KIAA1217: variants seen among roughly 807,000 people sequenced by gnomAD.
The protein encoded by KIAA1217 is sickle tail protein homolog.
Under a neutral mutation model 163.9 loss-of-function variants are expected in KIAA1217, and 88 were observed. That is an observed-to-expected ratio of 0.54 (90% CI 0.45 to 0.64). KIAA1217 has a LOEUF of 0.64. Among genes scored for constraint, KIAA1217 ranks in the 30% least tolerant of loss-of-function variants. The probability of loss-of-function intolerance (pLI) is 0.00; values close to 1 mark genes in which losing one functional copy is unlikely to be tolerated. For synonymous variants in KIAA1217, 903 were observed against 923.1 expected (o/e 0.98, Z 0.39); for missense variants, 2,372 against 2,475.0 (o/e 0.96, Z 0.88).
chr10:23,848,715 C>G (rs1052602608), intron 1 of KIAA1217, among the ~76,000 whole-genome samples: 1 of 152,050 alleles, frequency 6.6e-6, no homozygotes, highest in Non-Finnish European at 1.5e-5. Flanking sequence ...TCCAACTTTT[C>G]TTGCTTTTAC....
chr10:24,445,779 C>T (rs1592003754), intron 5 of KIAA1217, among the ~76,000 whole-genome samples: 1 of 151,960 alleles, frequency 6.6e-6, no homozygotes, highest in Middle Eastern at 3.4e-3. Context: ...CCAGTCTATC[C>T]TTGTTGGACA....
At chr10:23,949,434 G>A (rs1297296700) in intron 1 of KIAA1217, among the ~76,000 whole-genome samples, 2 of 152,178 alleles carry the variant, frequency 1.3e-5, no homozygotes, top group Non-Finnish European at 2.9e-5. Flanking sequence ...ACACACGACT[G>A]TGTGACATAC....
At chr10:24,268,180 G>C in intron 2 of KIAA1217, among the ~76,000 whole-genome samples, 1 of 152,150 alleles carries the variant, frequency 6.6e-6, no homozygotes. Flanking sequence ...AGAAAGGTCA[G>C]GTCGCCTATA....
chr10:23,763,509 G>A (rs961552351), intron 1 of KIAA1217, among the ~76,000 whole-genome samples: 5 of 151,992 alleles, frequency 3.3e-5, no homozygotes, highest in Admixed American at 3.3e-4. Context: ...ACAAGCATGG[G>A]GGAAGGTAAA....
At chr10:24,343,787 C>G (rs551979586) in intron 2 of KIAA1217, among the ~76,000 whole-genome samples, 1 of 152,316 alleles carries the variant, frequency 6.6e-6, no homozygotes, top group South Asian at 2.1e-4. Context: ...AGAGATCTAG[C>G]TTTCTTTCTT....
intron 1 of KIAA1217, among the ~76,000 whole-genome samples, chr10:23,781,176 A>G (rs1463509502): frequency 6.6e-6 from 1 of 152,178 alleles, no homozygotes; most frequent in Non-Finnish European, 1.5e-5. Context: ...CTTTTTGAGG[A>G]ACCTCTAAAC....
intron 1 of KIAA1217, among the ~76,000 whole-genome samples, chr10:23,896,155 A>C (rs973268231): frequency 2.0e-5 from 3 of 151,836 alleles, no homozygotes; most frequent in African/African-American, 7.3e-5. Context: ...TAATAGAATA[A>C]AATTTTTTAA....
chr10:24,248,122 T>TC (rs1423584981), intron 2 of KIAA1217, among the ~76,000 whole-genome samples: 1 of 152,126 alleles, frequency 6.6e-6, no homozygotes, highest in African/African-American at 2.4e-5. Context: ...TTTTCTTTTT[T>TC]CCCTTTTCCA....
chr10:24,402,096 C>T (rs1043509968), intron 3 of KIAA1217, among the ~76,000 whole-genome samples: 2 of 152,100 alleles, frequency 1.3e-5, no homozygotes, highest in Non-Finnish European at 2.9e-5. Flanking sequence ...AAGATTCAGC[C>T]AAATGAAGAT....
chr10:24,277,049 A>C (rs2077384025), intron 2 of KIAA1217, among the ~76,000 whole-genome samples: 1 of 152,200 alleles, frequency 6.6e-6, no homozygotes, highest in Non-Finnish European at 1.5e-5. Flanking sequence ...GTGAGCTGCC[A>C]TGCCTGGCCT....
intron 6 of KIAA1217, among the ~76,000 whole-genome samples, chr10:24,484,242 T>TATA (rs34504704): frequency 1.2e-3 from 59 of 48,228 alleles, no homozygotes; most frequent in African/African-American, 3.6e-3. Flanking sequence ...TATATATATA[T>TATA]TTTTTTTTTT....
intron 2 of KIAA1217, among the ~76,000 whole-genome samples, chr10:24,077,969 T>C (rs1452887605): frequency 6.6e-6 from 1 of 152,202 alleles, no homozygotes. Context: ...TTCATATCGT[T>C]GTTGGCTGCA....
intron 2 of KIAA1217, among the ~76,000 whole-genome samples, chr10:24,121,947 A>G (rs1196951775): frequency 6.6e-6 from 1 of 152,154 alleles, no homozygotes; most frequent in Non-Finnish European, 1.5e-5. Context: ...AGACATACAT[A>G]TAACTACATA....
At chr10:24,260,505 T>A (rs925287844) in intron 2 of KIAA1217, among the ~76,000 whole-genome samples, 16 of 150,944 alleles carry the variant, frequency 1.1e-4, no homozygotes, top group Non-Finnish European at 5.9e-5. Flanking sequence ...ATCCTAGCAC[T>A]TTGGGAGGCT....
chr10:23,886,437 T>C (rs977997226), intron 1 of KIAA1217, among the ~76,000 whole-genome samples: 2 of 151,984 alleles, frequency 1.3e-5, no homozygotes, highest in Non-Finnish European at 2.9e-5. Context: ...GTGTTAAGCA[T>C]GCTTAGGAAA....
At chr10:24,511,480 T>G (rs1336506711) in intron 9 of KIAA1217, among the ~76,000 whole-genome samples, 1 of 151,980 alleles carries the variant, frequency 6.6e-6, no homozygotes, top group Admixed American at 6.6e-5. Flanking sequence ...CCATCTCTAC[T>G]AAAAATTCAA....
chr10:23,948,421 C>T (rs1052156535), intron 1 of KIAA1217, among the ~76,000 whole-genome samples: 2 of 152,150 alleles, frequency 1.3e-5, no homozygotes, highest in Non-Finnish European at 2.9e-5. Context: ...TGTTCAATGC[C>T]TCACCCACAC....
chr10:24,008,855 T>C (rs923633579), intron 2 of KIAA1217, among the ~76,000 whole-genome samples: 25 of 152,118 alleles, frequency 1.6e-4, no homozygotes, highest in African/African-American at 6.0e-4. Flanking sequence ...ATGATGTGTG[T>C]ATTTGAATCT....
intron 2 of KIAA1217, among the ~76,000 whole-genome samples, chr10:24,172,787 T>C (rs957453854): frequency 1.2e-4 from 19 of 152,218 alleles, no homozygotes; most frequent in Non-Finnish European, 1.9e-4. Context: ...ATATTTTGTT[T>C]TTACAGGTAT....
Sources: gnomAD v4.1 joint callset for allele counts (sites outside exome capture counted in the v4.1 genomes callset) on GRCh38, gnomAD v4.1.1 for gene constraint, MANE v1.5 for transcripts, NCBI Gene and HGNC (gene_info 2026-07-23, HGNC 2026-07-21) for gene names.